The following CC2D2B variants were observed in gnomAD, a reference collection of about 807,000 sequenced individuals.
CC2D2B encodes coiled-coil and C2 domain containing 2B.
Under a neutral mutation model 161.2 loss-of-function variants are expected in CC2D2B, and 128 were observed. The observed-to-expected ratio is 0.79, with a 90% CI of 0.69 to 0.92. The LOEUF (loss-of-function observed/expected upper bound fraction) is 0.92. CC2D2B is among the 40% of genes least tolerant of loss of function. CC2D2B has a pLI of 0.00. For missense variants in CC2D2B, 1,173 were observed against 1,375.1 expected (o/e 0.85, Z 2.32); for synonymous variants, 391 against 449.8 (o/e 0.87, Z 1.65).
At chr10:95,912,976 A>G (rs1033826321) in intron 2 of CC2D2B, among the ~76,000 whole-genome samples, 9 of 152,072 alleles carry the variant, frequency 5.9e-5, no homozygotes, top group African/African-American at 1.9e-4. Flanking sequence ...AAACATTCCA[A>G]TTGTATTCTT....
At chr10:95,993,952 GTATATATATATATATATATATATA>G (rs1169560460) in intron 22 of CC2D2B, among the ~76,000 whole-genome samples, 1,228 of 18,126 alleles carry the variant, frequency 0.068, 59 homozygotes, top group African/African-American at 0.17. Flanking sequence ...GTATGTATGT[GTATATATATATATATATATATATA>G]TATATATATA....
chr10:95,946,865 A>G (rs556595825), intron 9 of CC2D2B, among the ~76,000 whole-genome samples: 2 of 151,900 alleles, frequency 1.3e-5, no homozygotes, highest in African/African-American at 4.8e-5. Context: ...TGAAGAGCAT[A>G]TCATATTACA....
In CC2D2B at chr10:96,004,249, G is replaced by T. The variant is rs199941416; in HGVS notation, c.2946+1G>T. The T allele has an allele frequency of 7.2e-7, 1 of 1,385,878 alleles. No individual in the cohort carries two copies. Among genetic ancestry groups the T allele is most frequent in the Admixed American group, 2.4e-5 (1 of 42,140 alleles). The allele number at this position is 1,385,878 out of a possible 1,614,324, so 85.8% of individuals were successfully genotyped here. Reference sequence around the variant, plus strand: ...TGAAATGATGACTGAAAAACATGAGGTAAAGTAGAATAATTACAATAGCCA... The same window carrying T: ...TGAAATGATGACTGAAAAACATGAGTTAAAGTAGAATAATTACAATAGCCA... On this transcript the variant is annotated splice_donor_variant, in intron 25 of 34. Coordinates refer to ENST00000646931, the MANE Select transcript of CC2D2B (RefSeq NM_001349008.3). LOFTEE classifies it high-confidence loss of function.
intron 9 of CC2D2B, among the ~76,000 whole-genome samples, chr10:95,941,103 C>G (rs12244228): frequency 0.12 from 18,539 of 152,132 alleles, 1,914 homozygotes; most frequent in African/African-American, 0.27. Flanking sequence ...AGGATAGTCT[C>G]TTCAACAAAT....
At chr10:95,942,505 C>G (rs2076058293) in intron 9 of CC2D2B, among the ~76,000 whole-genome samples, 1 of 152,050 alleles carries the variant, frequency 6.6e-6, no homozygotes, top group Non-Finnish European at 1.5e-5. Context: ...TGAGTTCTTT[C>G]CCTTTATTTC....
intron 31 of CC2D2B, 46 bp downstream of exon 31, chr10:96,019,383 C>G: frequency 6.5e-7 from 1 of 1,532,762 alleles, no homozygotes; most frequent in Non-Finnish European, 8.9e-7. Context: ...CCTCTAGAGT[C>G]ACCCTGGCTA....
intron 29 of CC2D2B, 40 bp from the exon 30 acceptor site, chr10:96,016,161 C>T (rs1267894456): frequency 3.5e-6 from 5 of 1,409,650 alleles, no homozygotes; most frequent in Middle Eastern, 1.8e-4. Context: ...CTTTCCCGCA[C>T]TTTTCTTTTT....
At chr10:95,928,061 G>A (rs1410976346) in intron 6 of CC2D2B, among the ~76,000 whole-genome samples, 2 of 151,958 alleles carry the variant, frequency 1.3e-5, no homozygotes, top group Non-Finnish European at 2.9e-5. Context: ...TCTACATAAT[G>A]TCTTTTGACA....
chr10:96,002,279 G>T (rs1175870534), intron 24 of CC2D2B, among the ~76,000 whole-genome samples: 1 of 152,062 alleles, frequency 6.6e-6, no homozygotes, highest in South Asian at 2.1e-4. Flanking sequence ...ACTACTTTTT[G>T]TTGCCTCTGA....
chr10:95,957,959 T>C (rs777939028), intron 11 of CC2D2B, among the ~76,000 whole-genome samples: 33 of 150,046 alleles, frequency 2.2e-4, no homozygotes, highest in Non-Finnish European at 4.7e-4. Context: ...TAGATTCAAA[T>C]GTCCAGTTTT....
intron 6 of CC2D2B, 114 bp from the exon 7 acceptor site, chr10:95,937,877 G>T: frequency 1.6e-6 from 1 of 643,134 alleles, no homozygotes; most frequent in Non-Finnish European, 2.7e-6. Context: ...TTGTTCTGTG[G>T]GTGGCAGGAT....
intron 2 of CC2D2B, among the ~76,000 whole-genome samples, chr10:95,911,689 A>G (rs1275329124): frequency 6.6e-6 from 1 of 152,200 alleles, no homozygotes; most frequent in Non-Finnish European, 1.5e-5. Context: ...TATAGGAGCA[A>G]TATTTACATG....
rs2079038211 is a variant in CC2D2B at position 96,012,550 on chromosome 10, G to A, written c.3247G>A (p.Val1083Ile). ...TLDKFLDQTE[V>I]LQRAQIFKKN... The stretch of plus-strand genomic sequence containing the variant: ...ATTGTAGTTTTTAGATCAAACAGAG[G>A]TCTTGCAGAGAGCACAGATTTTTAA... The change falls in exon 28 of 35, where the codon GTC becomes ATC. Residue 1083 changes from valine to isoleucine, a missense_variant. Val to Ile is a conservative substitution (Grantham distance 29, BLOSUM62 3). Transcript: ENST00000646931. 1 of 1,610,556 alleles carries A rather than the reference G, an allele frequency of 6.2e-7. No individual in the cohort carries two copies. Among genetic ancestry groups the A allele is most frequent in the Non-Finnish European group, 8.5e-7 (1 of 1,176,954 alleles).
intron 18 of CC2D2B, among the ~76,000 whole-genome samples, chr10:95,983,377 T>C (rs2077601751): frequency 6.6e-6 from 1 of 152,186 alleles, no homozygotes; most frequent in Non-Finnish European, 1.5e-5. Flanking sequence ...CAGTGTTCAG[T>C]GCGAATATTT....
intron 19 of CC2D2B, among the ~76,000 whole-genome samples, chr10:95,986,692 G>C (rs1265097439): frequency 6.6e-6 from 1 of 152,052 alleles, no homozygotes; most frequent in Non-Finnish European, 1.5e-5. Context: ...CACCTCCTGG[G>C]TTCAAGTGAT....
intron 3 of CC2D2B, among the ~76,000 whole-genome samples, chr10:95,922,686 TC>T (rs2098529756): frequency 6.6e-6 from 1 of 152,224 alleles, no homozygotes; most frequent in South Asian, 2.1e-4. Flanking sequence ...CAATAGGTCC[TC>T]AATTTTTTAC....
intron 28 of CC2D2B, among the ~76,000 whole-genome samples, chr10:96,013,275 A>G (rs973275227): frequency 6.6e-6 from 1 of 151,986 alleles, no homozygotes; most frequent in Non-Finnish European, 1.5e-5. Flanking sequence ...TATAACTTCT[A>G]TTGTTTGACA....
At chr10:96,018,978 A>AT (rs963457625) in intron 30 of CC2D2B, 26 of 341,182 alleles carry the variant, frequency 7.6e-5, no homozygotes, top group Admixed American at 1.4e-4. Context: ...TAAAAAAAAA[A>AT]TTTTTTGTGA....
At chr10:96,022,654 T>C (rs1372230360) in intron 32 of CC2D2B, 1 of 152,218 alleles carries the variant, frequency 6.6e-6, no homozygotes, top group Non-Finnish European at 1.5e-5. Flanking sequence ...CATTCTCTTG[T>C]TCATTCAGGT....
Sources: gnomAD v4.1 joint callset for allele counts (sites outside exome capture counted in the v4.1 genomes callset) on GRCh38, gnomAD v4.1.1 for gene constraint, MANE v1.5 for transcripts, NCBI Gene and HGNC (gene_info 2026-07-23, HGNC 2026-07-21) for gene names.